The following OXR1 variants were observed in gnomAD, a reference collection of about 807,000 sequenced individuals.
OXR1 encodes the protein oxidation resistance protein 1.
OXR1 carries 41 observed loss-of-function variants against 104.6 expected under a neutral mutation model. That is an observed-to-expected ratio of 0.39 (90% CI 0.31 to 0.51). The LOEUF is 0.51. Ranked by LOEUF, OXR1 falls within the 20% of genes least tolerant of loss-of-function variation. The probability of loss-of-function intolerance (pLI) is 0.77; values close to 1 mark genes in which losing one functional copy is unlikely to be tolerated. For synonymous variants in OXR1, 348 were observed against 348.4 expected (o/e 1.00, Z 0.01); for missense variants, 955 against 1,031.9 (o/e 0.93, Z 1.02).
chr8:106,296,351 A>G (rs999497041), intron 1 of OXR1, among the ~76,000 whole-genome samples: 2 of 152,186 alleles, frequency 1.3e-5, no homozygotes, highest in Non-Finnish European at 2.9e-5. Flanking sequence ...GGTATTGATA[A>G]TGATGATGAT....
intron 2 of OXR1, among the ~76,000 whole-genome samples, chr8:106,496,089 T>C (rs181055350): frequency 2.0e-5 from 3 of 152,300 alleles, no homozygotes; most frequent in African/African-American, 7.2e-5. Flanking sequence ...CATGGACCCC[T>C]GAGGATGGAC....
At chr8:106,591,306 AG>A (rs1563627741) in intron 3 of OXR1, among the ~76,000 whole-genome samples, 1 of 26,924 alleles carries the variant, frequency 3.7e-5, no homozygotes, top group African/African-American at 1.4e-4. Flanking sequence ...GGGAGGGGGG[AG>A]GGGGGAGGGA....
chr8:106,617,000 G>T (rs1253532752), intron 3 of OXR1, among the ~76,000 whole-genome samples: 1 of 152,164 alleles, frequency 6.6e-6, no homozygotes, highest in Non-Finnish European at 1.5e-5. Context: ...AAAATGTGAT[G>T]ACAGGGAAGA....
At chr8:106,406,387 G>A (rs1001158650) in intron 2 of OXR1, among the ~76,000 whole-genome samples, 1 of 152,066 alleles carries the variant, frequency 6.6e-6, no homozygotes, top group African/African-American at 2.4e-5. Context: ...AAAAGTGCCT[G>A]TCTCCCTGCA....
chr8:106,508,824 G>A (rs769641604), intron 2 of OXR1, among the ~76,000 whole-genome samples: 6 of 151,854 alleles, frequency 4.0e-5, no homozygotes, highest in South Asian at 2.1e-4. Flanking sequence ...AGGGTAGATC[G>A]TTGGACTACA....
intron 11 of OXR1, among the ~76,000 whole-genome samples, chr8:106,723,222 T>G (rs902574041): frequency 6.6e-6 from 1 of 152,006 alleles, no homozygotes; most frequent in Non-Finnish European, 1.5e-5. Context: ...CCAGGTGCGG[T>G]GGCTCATGCG....
At chr8:106,705,955 G>A (rs1831107043) in intron 8 of OXR1, among the ~76,000 whole-genome samples, 1 of 151,906 alleles carries the variant, frequency 6.6e-6, no homozygotes, top group Non-Finnish European at 1.5e-5. Flanking sequence ...GTATATCTAT[G>A]GAAATCAGTT....
chr8:106,541,041 A>G (rs1814917871), intron 3 of OXR1, among the ~76,000 whole-genome samples: 1 of 152,190 alleles, frequency 6.6e-6, no homozygotes, highest in African/African-American at 2.4e-5. Context: ...GTACTATGTG[A>G]TGTTGGAAAG....
chr8:106,488,558 T>C lies in OXR1; in HGVS notation c.24-30385T>C, dbSNP rs1051225221. Among the ~76,000 whole-genome samples, 16 of 152,246 alleles carry C rather than the reference T, an allele frequency of 1.1e-4. No individual in the cohort carries two copies. In the East Asian group the frequency reaches 3.1e-3, roughly 29 times the overall value. ...ATTCTAGGGATTTTATGGTTTTAGG[T>C]CTAACATTTAAGTCTTTAATCCATC... is the stretch of plus-strand genomic sequence containing the variant. On this transcript the variant is annotated intron_variant, in intron 2 of 16. Coordinates refer to ENST00000517566, the MANE Select transcript of OXR1 (RefSeq NM_001198533.2).
intron 6 of OXR1, among the ~76,000 whole-genome samples, chr8:106,689,763 G>A (rs868199436): frequency 6.6e-5 from 10 of 151,904 alleles, no homozygotes; most frequent in East Asian, 1.9e-4. Context: ...TTTTAAAAAC[G>A]TCTCTTTTTT....
At position 106,484,906 on chromosome 8, in the gene OXR1, A is replaced by G. The variant is rs192028508; in HGVS notation, c.24-34037A>G. ...ATTTAAAGCAGCTATATTTATAATT[A>G]TCAAAATTTGGAAGCAACCAAGATA... On this transcript the variant is annotated intron_variant, in intron 2 of 16. Transcript: ENST00000517566. 3.2e-4 allele frequency among the ~76,000 whole-genome samples: 48 copies of G among 152,242 alleles called. 1 individual carries two copies. The East Asian group carries it at 6.8e-3, about 22-fold the overall frequency.
At chr8:106,436,984 C>T (rs1819605947) in intron 2 of OXR1, among the ~76,000 whole-genome samples, 1 of 152,162 alleles carries the variant, frequency 6.6e-6, no homozygotes, top group African/African-American at 2.4e-5. Context: ...TGACTATTGG[C>T]TGAGCAAAAC....
At chr8:106,327,973 A>C (rs143521519) in intron 1 of OXR1, among the ~76,000 whole-genome samples, 1 of 152,338 alleles carries the variant, frequency 6.6e-6, no homozygotes, top group African/African-American at 2.4e-5. Context: ...TATTTTAAAA[A>C]GGATGAGGGG....
At chr8:106,529,316 C>T (rs932483104) in intron 3 of OXR1, among the ~76,000 whole-genome samples, 1 of 152,128 alleles carries the variant, frequency 6.6e-6, no homozygotes, top group Non-Finnish European at 1.5e-5. Flanking sequence ...TATTTTACAA[C>T]ATTTTTCATT....
chr8:106,600,691 C>T (rs1819905585), intron 3 of OXR1, among the ~76,000 whole-genome samples: 1 of 152,146 alleles, frequency 6.6e-6, no homozygotes, highest in Non-Finnish European at 1.5e-5. Context: ...AAGATATAGT[C>T]AGTTTCAGAA....
chr8:106,316,497 C>T (rs1167389526), intron 1 of OXR1, among the ~76,000 whole-genome samples: 1 of 152,142 alleles, frequency 6.6e-6, no homozygotes, highest in Non-Finnish European at 1.5e-5. Context: ...AGGGTTATAA[C>T]CATTTACTTA....
chr8:106,420,410 AT>A (rs1818857869), intron 2 of OXR1, among the ~76,000 whole-genome samples: 1 of 151,808 alleles, frequency 6.6e-6, no homozygotes, highest in South Asian at 2.1e-4. Flanking sequence ...TTTATTTTTA[AT>A]TTCAGTTCCA....
intron 2 of OXR1, among the ~76,000 whole-genome samples, chr8:106,454,980 G>A (rs1032355539): frequency 6.6e-6 from 1 of 152,154 alleles, no homozygotes; most frequent in Non-Finnish European, 1.5e-5. Flanking sequence ...TGAAAGATAA[G>A]AACTAACACT....
chr8:106,424,468 C>A (rs1022640840), intron 2 of OXR1, among the ~76,000 whole-genome samples: 2 of 152,010 alleles, frequency 1.3e-5, no homozygotes, highest in Non-Finnish European at 2.9e-5. Context: ...TTTTTAATGG[C>A]TGCCTAGTAA....
Sources: gnomAD v4.1 joint callset for allele counts (sites outside exome capture counted in the v4.1 genomes callset) on GRCh38, gnomAD v4.1.1 for gene constraint, MANE v1.5 for transcripts, NCBI Gene and HGNC (gene_info 2026-07-23, HGNC 2026-07-21) for gene names.